UBE2D3: variants seen among roughly 807,000 people sequenced by gnomAD.
UBE2D3 encodes ubiquitin conjugating enzyme E2 D3.
UBE2D3 carries 2 observed loss-of-function variants against 22.8 expected under a neutral mutation model. The observed-to-expected ratio is 0.09, with a 90% CI of 0.04 to 0.28. UBE2D3 has a LOEUF of 0.28. Ranked by LOEUF, UBE2D3 falls within the 10% of genes least tolerant of loss-of-function variation. The probability of loss-of-function intolerance (pLI) is 1.00; values close to 1 mark genes in which losing one functional copy is unlikely to be tolerated. For synonymous variants in UBE2D3, 56 were observed against 60.4 expected, an observed-to-expected ratio of 0.93 and a Z score of 0.34; for missense variants, 27 against 182.5, an observed-to-expected ratio of 0.15 and a Z score of 4.91.
Position 102,842,460 on chromosome 4 carries a change from G to A in UBE2D3, c.-128-15824C>T, listed in dbSNP as rs187427022. ...ATCTCAGCTACTCAAGGAGGCTGAG[G>A]TAGGAGAATCAATTGAGGCCAGGAG... On this transcript the variant is annotated intron_variant, in intron 1 of 7. Coordinates refer to the UBE2D3 transcript ENST00000338145. 5.9e-3 allele frequency among the ~76,000 whole-genome samples: 902 copies of A among 152,032 alleles called. 11 individuals carry two copies. The highest frequency in any genetic ancestry group is 0.021 in the African/African-American group (871 of 41,458).
chr4:102,866,876 G>T (rs1733167754), intron 1 of UBE2D3, among the ~76,000 whole-genome samples: 1 of 152,018 alleles, frequency 6.6e-6, no homozygotes, highest in Non-Finnish European at 1.5e-5. Flanking sequence ...GTACCCAAGG[G>T]TGCTTCTACA....
chr4:102,843,574 CATA>C (rs1731881940), intron 1 of UBE2D3: 1 of 152,152 alleles, frequency 6.6e-6, no homozygotes, highest in South Asian at 2.1e-4. Flanking sequence ...AAACTGTCAT[CATA>C]ATGAGTTCCC....
chr4:102,858,614 T>C (rs1474888329), intron 1 of UBE2D3, among the ~76,000 whole-genome samples: 1 of 151,934 alleles, frequency 6.6e-6, no homozygotes, highest in Non-Finnish European at 1.5e-5. Flanking sequence ...CCATTAATAA[T>C]GTAGTAAAAG....
chr4:102,815,512 A>G (rs771811733), intron 2 of UBE2D3, among the ~76,000 whole-genome samples: 1 of 152,232 alleles, frequency 6.6e-6, no homozygotes, highest in Non-Finnish European at 1.5e-5. Context: ...TCAACATTAC[A>G]CATTTCAATT....
At position 102,808,729 on chromosome 4, in the gene UBE2D3, T is replaced by G. The variant is rs138156028; in HGVS notation, c.120+943A>C. 1.5e-4 allele frequency among the ~76,000 whole-genome samples: 23 copies of G among 152,334 alleles called. No homozygotes were observed. The East Asian group carries it at 4.2e-3, about 28-fold the overall frequency. ...CTATAAGATCGACAGGGATGTTTAT[T>G]ATGTTCAATTTGTATCCTTATTACC... is the stretch of plus-strand genomic sequence containing the variant. On this transcript the variant is annotated intron_variant, in intron 4 of 7. Coordinates refer to ENST00000453744, the MANE Select transcript of UBE2D3 (RefSeq NM_181891.3).
At chr4:102,814,716 C>A (rs1728552625) in intron 2 of UBE2D3, among the ~76,000 whole-genome samples, 1 of 152,030 alleles carries the variant, frequency 6.6e-6, no homozygotes, top group Non-Finnish European at 1.5e-5. Flanking sequence ...ACAAGCAGAC[C>A]ATGTGTAGAC....
At chr4:102,806,503 G>GA (rs944462927) in intron 4 of UBE2D3, among the ~76,000 whole-genome samples, 57 of 151,722 alleles carry the variant, frequency 3.8e-4, no homozygotes, top group African/African-American at 1.2e-3. Flanking sequence ...TAATACACTT[G>GA]AAAAAAAAGT....
At chr4:102,808,489 A>G (rs1384767363) in intron 4 of UBE2D3, among the ~76,000 whole-genome samples, 2 of 151,914 alleles carry the variant, frequency 1.3e-5, no homozygotes, top group African/African-American at 4.8e-5. Context: ...AAAGTATTAA[A>G]CTTAATATTT....
chr4:102,858,096 G>A (rs1351709125), intron 1 of UBE2D3, among the ~76,000 whole-genome samples: 1 of 151,912 alleles, frequency 6.6e-6, no homozygotes, highest in Non-Finnish European at 1.5e-5. Context: ...ATAAAAACAG[G>A]CAGTGGTCTG....
intron 2 of UBE2D3, among the ~76,000 whole-genome samples, chr4:102,814,316 T>C (rs549995319): frequency 6.6e-6 from 1 of 150,748 alleles, no homozygotes; most frequent in East Asian, 2.0e-4. Context: ...TGAGATGGAG[T>C]CTCCCTCTGT....
Position 102,823,325 on chromosome 4 carries a change from A to C in UBE2D3, c.24+3160T>G, listed in dbSNP as rs138355635. Reference sequence around the variant, plus strand: ...GTCATCTTCTTAACCTCTATGCCTAAGTTTTTCAATTTCGAGATGGAGATA... The same window carrying C: ...GTCATCTTCTTAACCTCTATGCCTACGTTTTTCAATTTCGAGATGGAGATA... On this transcript the variant is annotated intron_variant, in intron 2 of 7. Transcript: ENST00000453744. Among the ~76,000 whole-genome samples the C allele has an allele frequency of 3.5e-4, 53 of 152,288 alleles. 1 individual carries two copies. The East Asian group carries it at 9.6e-3, about 28-fold the overall frequency.
intron 2 of UBE2D3, among the ~76,000 whole-genome samples, chr4:102,820,583 G>C (rs150667788): frequency 6.6e-6 from 1 of 151,944 alleles, no homozygotes; most frequent in African/African-American, 2.4e-5. Context: ...ATTTTCTTTC[G>C]ATCACCACTG....
intron 4 of UBE2D3, among the ~76,000 whole-genome samples, chr4:102,806,707 C>T (rs1264332512): frequency 6.6e-6 from 1 of 152,046 alleles, no homozygotes; most frequent in African/African-American, 2.4e-5. Context: ...TCTCTAAATC[C>T]ACTTTTTCTG....
At chr4:102,863,097 C>A (rs1732975307) in intron 1 of UBE2D3, among the ~76,000 whole-genome samples, 1 of 151,898 alleles carries the variant, frequency 6.6e-6, no homozygotes, top group African/African-American at 2.4e-5. Context: ...GTGGCCCATG[C>A]TGGAGTGCAG....
chr4:102,801,603 C>T, intron 5 of UBE2D3, 44 bp from the exon 6 acceptor site: 2 of 1,458,710 alleles, frequency 1.4e-6, no homozygotes, highest in Non-Finnish European at 1.9e-6. Flanking sequence ...TAAAAACAAA[C>T]ATCTTTTAAA....
At chr4:102,829,380 T>C (rs954543717), upstream of UBE2D3, among the ~76,000 whole-genome samples, 3 of 152,170 alleles carry the variant, frequency 2.0e-5, no homozygotes, top group Non-Finnish European at 2.9e-5. Context: ...TAGCCAGATA[T>C]ACTAAAAGCA....
intron 1 of UBE2D3, among the ~76,000 whole-genome samples, chr4:102,839,948 C>T (rs987765677): frequency 1.3e-5 from 2 of 152,184 alleles, no homozygotes; most frequent in Middle Eastern, 3.4e-3. Flanking sequence ...CAAAAATAAC[C>T]CCATTAAAAG....
At chr4:102,831,545 T>C (rs1731116802), upstream of UBE2D3, among the ~76,000 whole-genome samples, 1 of 152,202 alleles carries the variant, frequency 6.6e-6, no homozygotes, top group South Asian at 2.1e-4. Flanking sequence ...AGATGTGATA[T>C]ATGTGTATAA....
intron 1 of UBE2D3, 41 bp downstream of exon 1, chr4:102,827,386 G>T: frequency 1.0e-6 from 1 of 986,112 alleles, no homozygotes; most frequent in Non-Finnish European, 1.2e-6. Context: ...CCACTGGGCC[G>T]GCCTCCCTTC....
Sources: gnomAD v4.1 joint callset for allele counts (sites outside exome capture counted in the v4.1 genomes callset) on GRCh38, gnomAD v4.1.1 for gene constraint, MANE v1.5 for transcripts, NCBI Gene and HGNC (gene_info 2026-07-23, HGNC 2026-07-21) for gene names.